ANKS1A: variants seen among roughly 807,000 people sequenced by gnomAD.
The protein encoded by ANKS1A is ankyrin repeat and sterile alpha motif domain containing 1A, also known as ankyrin repeat and SAM domain-containing protein 1A.
In ANKS1A, 55 loss-of-function variants were observed where a neutral mutation model predicts 120.3. The observed-to-expected ratio is 0.46, with a 90% confidence interval of 0.37 to 0.57. The LOEUF (loss-of-function observed/expected upper bound fraction) is 0.57. Ranked by LOEUF, ANKS1A falls within the 20% of genes least tolerant of loss-of-function variation. ANKS1A has a pLI of 0.00. For missense variants in ANKS1A, 1,123 were observed against 1,480.3 expected (o/e 0.76, Z 3.96); for synonymous variants, 590 against 604.7 (o/e 0.98, Z 0.36).
chr6:35,011,197 T>C (rs1581641285), intron 10 of ANKS1A, among the ~76,000 whole-genome samples: 1 of 152,104 alleles, frequency 6.6e-6, no homozygotes. Flanking sequence ...CTGAGTTAGG[T>C]GAATTGGTAG....
chr6:34,971,008 A>G (rs1771157458), intron 3 of ANKS1A, among the ~76,000 whole-genome samples: 1 of 152,248 alleles, frequency 6.6e-6, no homozygotes, highest in African/African-American at 2.4e-5. Flanking sequence ...ACCCTGTCTC[A>G]AAAGTAAAAG....
intron 9 of ANKS1A, among the ~76,000 whole-genome samples, chr6:34,990,997 G>A (rs975862530): frequency 9.9e-5 from 15 of 152,072 alleles, no homozygotes; most frequent in African/African-American, 3.4e-4. Flanking sequence ...GTACTATTAT[G>A]TATATTTTTT....
intron 3 of ANKS1A, among the ~76,000 whole-genome samples, chr6:34,976,415 G>A (rs1456568957): frequency 6.6e-6 from 1 of 152,048 alleles, no homozygotes; most frequent in Non-Finnish European, 1.5e-5. Context: ...CCTTAGCTAA[G>A]GCAGAACCAT....
chr6:35,003,641 T>G (rs1773281875), intron 10 of ANKS1A, among the ~76,000 whole-genome samples: 1 of 152,276 alleles, frequency 6.6e-6, no homozygotes, highest in African/African-American at 2.4e-5. Flanking sequence ...TACTGCTCCC[T>G]TGTTTGCTAC....
chr6:34,986,286 C>A (rs908869456), intron 8 of ANKS1A, among the ~76,000 whole-genome samples: 1 of 152,182 alleles, frequency 6.6e-6, no homozygotes, highest in Admixed American at 6.5e-5. Flanking sequence ...GCTTTTACTT[C>A]TAGCCTTGTA....
intron 11 of ANKS1A, among the ~76,000 whole-genome samples, chr6:35,038,978 T>C (rs961248572): frequency 6.6e-6 from 1 of 152,122 alleles, no homozygotes; most frequent in African/African-American, 2.4e-5. Flanking sequence ...CATGGTAATA[T>C]ATTATTTAAC....
Position 35,021,740 on chromosome 6 carries a change from C to T in ANKS1A, c.2010+3681C>T, listed in dbSNP as rs548041949. On this transcript the variant is annotated intron_variant, in intron 11 of 23. Coordinates refer to ENST00000360359, the MANE Select transcript of ANKS1A (RefSeq NM_015245.3). ...GTGGCTCACACCTGTAATCCCAGCA[C>T]TTTGGGAGGCCAAGGCAGGTGGATT... 2.0e-5 allele frequency among the ~76,000 whole-genome samples: 3 copies of T among 152,236 alleles called. No individual in the cohort carries two copies. The East Asian group carries it at 5.8e-4, about 29-fold the overall frequency.
chr6:35,078,193 G>C (rs1245502254), intron 13 of ANKS1A, among the ~76,000 whole-genome samples: 1 of 152,192 alleles, frequency 6.6e-6, no homozygotes, highest in East Asian at 1.9e-4. Flanking sequence ...TCCTGTCTAA[G>C]AGGAACCTTA....
At chr6:35,032,752 CTAA>C (rs1295257157) in intron 11 of ANKS1A, among the ~76,000 whole-genome samples, 1 of 152,130 alleles carries the variant, frequency 6.6e-6, no homozygotes, top group Non-Finnish European at 1.5e-5. Context: ...TTTTCTTTCT[CTAA>C]TAATAAGGTA....
intron 16 of ANKS1A, 126 bp from the exon 17 acceptor site, chr6:35,080,868 C>A (rs747380462): frequency 2.8e-4 from 341 of 1,217,504 alleles, no homozygotes; most frequent in Non-Finnish European, 3.7e-4. Flanking sequence ...GTGTTGGCCC[C>A]TTCGCTCCCT....
intron 1 of ANKS1A, among the ~76,000 whole-genome samples, chr6:34,946,846 A>G (rs1316478230): frequency 2.6e-5 from 4 of 152,186 alleles, no homozygotes; most frequent in Non-Finnish European, 4.4e-5. Context: ...TTTCATTTTC[A>G]ACAGAATAGT....
chr6:35,081,274 G>T, intron 17 of ANKS1A, 116 bp downstream of exon 17: 2 of 1,362,472 alleles, frequency 1.5e-6, no homozygotes, highest in East Asian at 2.5e-5. Flanking sequence ...TGGCACCAGA[G>T]TCAGGAGGCA....
intron 12 of ANKS1A, among the ~76,000 whole-genome samples, chr6:35,056,891 G>A (rs550985060): frequency 3.3e-5 from 5 of 151,996 alleles, no homozygotes; most frequent in African/African-American, 1.2e-4. Context: ...GTCAGGAGGG[G>A]GCTTTCCCCA....
chr6:35,091,201 A>C lies in ANKS1A; in HGVS notation c.*2592A>C. ...GACTTTCCCTTTTGTTTTACTGTAT[A>C]TAAAATTGTTAATCTGTCTGATTTT... On this transcript the variant is annotated 3_prime_UTR_variant, in exon 24 of 24. Coordinates refer to ENST00000360359, the MANE Select transcript of ANKS1A (RefSeq NM_015245.3). The C allele has an allele frequency of 1.0e-6, 1 of 985,890 alleles. No homozygotes were observed. The allele number at this position is 985,890 out of a possible 1,614,324, so 61.1% of individuals were successfully genotyped here.
downstream of ANKS1A, among the ~76,000 whole-genome samples, chr6:35,094,443 A>G (rs1432223955): frequency 6.6e-6 from 1 of 151,132 alleles, no homozygotes; most frequent in Non-Finnish European, 1.5e-5. Context: ...TCGTCTGGAA[A>G]AAAAAAAAAA....
chr6:34,943,301 A>C (rs1359924200), intron 1 of ANKS1A, among the ~76,000 whole-genome samples: 1 of 152,162 alleles, frequency 6.6e-6, no homozygotes, highest in Non-Finnish European at 1.5e-5. Context: ...AAGTACAGAG[A>C]GTTCCCATAT....
intron 1 of ANKS1A, among the ~76,000 whole-genome samples, chr6:34,897,372 C>T (rs1048161796): frequency 6.6e-6 from 1 of 152,172 alleles, no homozygotes; most frequent in Admixed American, 6.5e-5. Flanking sequence ...TCACCCCAAA[C>T]AGCTGTGAAT....
chr6:34,956,256 G>T (rs1770354003), intron 1 of ANKS1A, among the ~76,000 whole-genome samples: 1 of 150,664 alleles, frequency 6.6e-6, no homozygotes, highest in African/African-American at 2.4e-5. Flanking sequence ...TGCTTTTTTT[G>T]TTTTTTAATC....
rs141462350 is a variant in ANKS1A, at chr6:35,083,163, C to A, written c.2844C>A (p.Gly948=). 4.6e-5 allele frequency: 74 copies of A among 1,614,022 alleles called. No homozygotes were observed. In the African/African-American group the frequency reaches 9.1e-4, roughly 20 times the overall value. The change falls in exon 19 of 24, where the codon GGC becomes GGA. Residue 948 remains glycine (G), a synonymous_variant. Coordinates refer to ENST00000360359, the MANE Select transcript of ANKS1A (RefSeq NM_015245.3). ...ESCGYEANYL[G]SMLIKDLRGT... ...ACTGCTCGCCCCCACAGTATCTGGGCTCCATGCTGATCAAAGATCTGCGAG... is the reference window on the plus strand; with the variant it reads ...ACTGCTCGCCCCCACAGTATCTGGGATCCATGCTGATCAAAGATCTGCGAG...
Sources: gnomAD v4.1 joint callset for allele counts (sites outside exome capture counted in the v4.1 genomes callset) on GRCh38, gnomAD v4.1.1 for gene constraint, MANE v1.5 for transcripts, NCBI Gene and HGNC (gene_info 2026-07-23, HGNC 2026-07-21) for gene names.